CASK: variants seen among roughly 807,000 people sequenced by gnomAD.
CASK encodes the protein peripheral plasma membrane protein CASK.
CASK carries 4 observed loss-of-function variants against 82.9 expected under a neutral mutation model. The ratio of observed to expected loss-of-function variants is 0.05; its 90% CI spans 0.02 to 0.11. CASK has a LOEUF of 0.11. Among genes scored for constraint, CASK ranks in the 10% least tolerant of loss-of-function variants. The probability of loss-of-function intolerance (pLI) is 1.00; values close to 1 mark genes in which losing one functional copy is unlikely to be tolerated. For synonymous variants in CASK, 259 were observed against 253.5 expected (o/e 1.02, Z -0.20); for missense variants, 358 against 720.9 (o/e 0.50, Z 5.76).
At chrX:41,876,775 C>T (rs1601931790) in intron 1 of CASK, among the ~76,000 whole-genome samples, 2 of 112,114 alleles carry the variant, frequency 1.8e-5, no homozygotes, top group African/African-American at 6.5e-5. Flanking sequence ...GCACTATTAA[C>T]TGGCACTAAA....
intron 16 of CASK, chrX:41,561,971 C>A (rs973118560): frequency 1.2e-5 from 2 of 169,944 alleles, no homozygotes; most frequent in Non-Finnish European, 2.2e-5. Context: ...TGCTTACTAG[C>A]TTTAAGATCT....
At chrX:41,592,749 T>C (rs148838867) in intron 12 of CASK, among the ~76,000 whole-genome samples, 59 of 111,968 alleles carry the variant, frequency 5.3e-4, no homozygotes, top group Admixed American at 1.7e-3. Flanking sequence ...ATTACTTTTA[T>C]TGAGCACTTA....
rs953783463 is a variant in CASK, at chrX:41,542,278, C to A, written c.2155+413G>T. 2.8e-4 allele frequency among the ~76,000 whole-genome samples: 32 copies of A among 112,448 alleles called. 1 individual carries two copies. The highest frequency in any genetic ancestry group is 1.0e-3 in the African/African-American group (32 of 31,075). ...TTCTCTGATAAGAGCACACCTCTAC[C>A]CTCAGATGTTTATCTCAGGGCCACG... On this transcript the variant is annotated intron_variant, in intron 22 of 26. Coordinates refer to ENST00000378163, the MANE Select transcript of CASK (RefSeq NM_001367721.1).
chrX:41,678,368 TC>T (rs139311178), intron 5 of CASK, among the ~76,000 whole-genome samples: 12,841 of 110,551 alleles, frequency 0.12, 742 homozygotes, highest in Middle Eastern at 0.18. Context: ...TCCTGTGAAA[TC>T]CCCCACAATC....
intron 21 of CASK, chrX:41,552,894 T>C: frequency 8.9e-6 from 1 of 112,125 alleles, no homozygotes; most frequent in Non-Finnish European, 1.9e-5. Context: ...TGGTCTCTTT[T>C]AGCTGGGTTC....
chrX:41,712,965 C>T (rs2068003020), intron 5 of CASK, among the ~76,000 whole-genome samples: 1 of 111,604 alleles, frequency 9.0e-6, no homozygotes, highest in African/African-American at 3.3e-5. Context: ...AGCCCACTAC[C>T]CACCAAATTA....
At position 41,813,833 on chromosome X, in the gene CASK, A is replaced by C. The variant is rs1345837482; in HGVS notation, c.173-26550T>G. Among the ~76,000 whole-genome samples the C allele has an allele frequency of 5.4e-5, 6 of 112,015 alleles. No individual in the cohort carries two copies. In the South Asian group the frequency reaches 2.2e-3, roughly 42 times the overall value. The stretch of plus-strand genomic sequence containing the variant: ...CTACAGAATGGGAGAAAATTTTTGC[A>C]ATCTACTCATCTGACAAAGGGCTAA... On this transcript the variant is annotated intron_variant, in intron 2 of 26. Coordinates refer to ENST00000378163, the MANE Select transcript of CASK (RefSeq NM_001367721.1).
chrX:41,844,561 C>T (rs919238113), intron 2 of CASK, among the ~76,000 whole-genome samples: 5 of 111,158 alleles, frequency 4.5e-5, no homozygotes, highest in African/African-American at 1.6e-4. Flanking sequence ...AATGTCCCTT[C>T]CTTTATTATG....
At chrX:41,792,878 T>G (rs1314078578) in intron 2 of CASK, among the ~76,000 whole-genome samples, 1 of 111,548 alleles carries the variant, frequency 9.0e-6, no homozygotes, top group Non-Finnish European at 1.9e-5. Context: ...AAGTGCTCAA[T>G]AACTGCATGT....
chrX:41,794,020 G>A (rs1471387549), intron 2 of CASK, among the ~76,000 whole-genome samples: 2 of 112,053 alleles, frequency 1.8e-5, no homozygotes, highest in African/African-American at 3.2e-5. Context: ...GCCTAGACAG[G>A]CCACCATAGA....
chrX:41,572,339 T>G (rs998189926), intron 15 of CASK, among the ~76,000 whole-genome samples: 2 of 111,740 alleles, frequency 1.8e-5, no homozygotes, highest in Admixed American at 1.9e-4. Flanking sequence ...GGTATAAATA[T>G]ATATTCTTGC....
At chrX:41,787,465 AT>A (rs766337521) in intron 2 of CASK, among the ~76,000 whole-genome samples, 182 bp from the exon 3 acceptor site, 2 of 106,882 alleles carry the variant, frequency 1.9e-5, no homozygotes, top group South Asian at 8.4e-4. Flanking sequence ...AGCTTTTCAT[AT>A]TTTTTGCAAG....
chrX:41,550,722 C>T (rs1349506249), intron 21 of CASK, among the ~76,000 whole-genome samples: 1 of 104,370 alleles, frequency 9.6e-6, no homozygotes, highest in Admixed American at 1.0e-4. Context: ...CATAGTGAGA[C>T]CTCATCTCTA....
intron 2 of CASK, among the ~76,000 whole-genome samples, chrX:41,788,044 C>T (rs778840914): frequency 5.5e-4 from 59 of 107,504 alleles, no homozygotes; most frequent in Non-Finnish European, 1.1e-3. Flanking sequence ...GTAATCCCTG[C>T]TACTCGGGAG....
chrX:41,894,210 T>TA lies in CASK; in HGVS notation c.59+28719dup, dbSNP rs761932202. On this transcript the variant is annotated intron_variant, in intron 1 of 26. Transcript: ENST00000378163. ...AACATCAATAAAGAAAAAGAATTCT[T>TA]AAAAAAAATAGAAACTGAGGAGTTG... Among the ~76,000 whole-genome samples, 8 of 109,859 alleles carry TA rather than the reference T, an allele frequency of 7.3e-5. No individual in the cohort carries two copies. In the East Asian group the frequency reaches 1.1e-3, roughly 16 times the overall value.
intron 11 of CASK, among the ~76,000 whole-genome samples, chrX:41,620,842 T>C (rs1185218766): frequency 8.9e-6 from 1 of 112,444 alleles, no homozygotes; most frequent in African/African-American, 3.2e-5. Context: ...AGATTCTCCA[T>C]ATGTGGATTA....
intron 2 of CASK, among the ~76,000 whole-genome samples, chrX:41,839,014 CTA>C (rs1189161960): frequency 4.5e-5 from 5 of 111,602 alleles, no homozygotes; most frequent in African/African-American, 1.6e-4. Context: ...AGCTACGTGT[CTA>C]TCTCTCTGCC....
chrX:41,658,673 A>G (rs2066981222), intron 8 of CASK, among the ~76,000 whole-genome samples: 1 of 111,398 alleles, frequency 9.0e-6, no homozygotes, highest in East Asian at 2.8e-4. Context: ...GGATCTGAGA[A>G]GGAGCAGCCA....
At chrX:41,722,584 A>T (rs2068186197) in intron 5 of CASK, among the ~76,000 whole-genome samples, 1 of 112,381 alleles carries the variant, frequency 8.9e-6, no homozygotes, top group Non-Finnish European at 1.9e-5. Context: ...ACATAGCGAG[A>T]TATCTGGCAC....
Sources: allele counts gnomAD v4.1 joint callset (sites outside exome capture counted in the v4.1 genomes callset), GRCh38; gene constraint gnomAD v4.1.1; transcripts MANE v1.5; gene names NCBI Gene and HGNC (gene_info 2026-07-23, HGNC 2026-07-21).